The following USP15 variants were observed in gnomAD, a reference collection of about 807,000 sequenced individuals.
USP15 encodes ubiquitin specific peptidase 15, also known as ubiquitin carboxyl-terminal hydrolase 15.
A neutral mutation model predicts 127.1 loss-of-function variants in USP15; 18 were observed. That is an observed-to-expected ratio of 0.14 (90% confidence interval 0.10 to 0.21). USP15 has a LOEUF of 0.21. Ranked by LOEUF, USP15 falls within the 10% of genes least tolerant of loss-of-function variation. USP15 has a pLI of 1.00. For synonymous variants in USP15, 364 were observed against 393.7 expected, an observed-to-expected ratio of 0.92 and a Z score of 0.89; for missense variants, 805 against 1,159.9, an observed-to-expected ratio of 0.69 and a Z score of 4.44.
chr12:62,386,147 T>C (rs1312021140), intron 11 of USP15, among the ~76,000 whole-genome samples: 2 of 145,670 alleles, frequency 1.4e-5, no homozygotes, highest in Non-Finnish European at 3.0e-5. Context: ...ACAGAGAAAT[T>C]CGTTTGTTTT....
At chr12:62,275,381 G>A (rs1268324479) in intron 1 of USP15, among the ~76,000 whole-genome samples, 7 of 151,448 alleles carry the variant, frequency 4.6e-5, no homozygotes, top group Non-Finnish European at 8.8e-5. Flanking sequence ...AAAAAATTGG[G>A]AGGAGTATCA....
At chr12:62,294,475 GTTA>G (rs911381486) in intron 2 of USP15, 169 bp downstream of exon 2, 46 of 639,778 alleles carry the variant, frequency 7.2e-5, no homozygotes, top group African/African-American at 2.7e-4. Context: ...AATTTTATTA[GTTA>G]TTATTCTGTA....
At chr12:62,287,923 T>A (rs901373923) in intron 1 of USP15, among the ~76,000 whole-genome samples, 17 of 152,286 alleles carry the variant, frequency 1.1e-4, no homozygotes, top group Admixed American at 9.8e-4. Flanking sequence ...ATTTCTGGGC[T>A]CTCTATTCTG....
chr12:62,268,063 A>G (rs758012191), intron 1 of USP15, among the ~76,000 whole-genome samples: 30 of 152,100 alleles, frequency 2.0e-4, no homozygotes, highest in Non-Finnish European at 3.4e-4. Context: ...AGTTGTGGCT[A>G]TGGTTTACAA....
chr12:62,363,267 A>G (rs1021694764), intron 8 of USP15, among the ~76,000 whole-genome samples: 1 of 152,104 alleles, frequency 6.6e-6, no homozygotes, highest in African/African-American at 2.4e-5. Flanking sequence ...CAATAACACA[A>G]AATGCCTTCT....
chr12:62,262,468 A>G (rs1217086640), intron 1 of USP15, among the ~76,000 whole-genome samples: 1 of 152,200 alleles, frequency 6.6e-6, no homozygotes, highest in Non-Finnish European at 1.5e-5. Context: ...GTAAGTCTAT[A>G]AGTTAAAATA....
At chr12:62,282,654 C>A (rs2137099442) in intron 1 of USP15, among the ~76,000 whole-genome samples, 1 of 152,310 alleles carries the variant, frequency 6.6e-6, no homozygotes, top group African/African-American at 2.4e-5. Context: ...AAACTGCCTT[C>A]AAGCCCTCTT....
At position 62,351,836 on chromosome 12, in the gene USP15, A is replaced by G. The variant is rs898138005; in HGVS notation, c.770+2529A>G. Among the ~76,000 whole-genome samples the G allele has an allele frequency of 3.3e-5, 5 of 151,974 alleles. 1 individual carries two copies. Among genetic ancestry groups the G allele is most frequent in the Admixed American group, 3.3e-4 (5 of 15,256 alleles). ...CTTAAAAATACATTTTTATGTAAGGATTATCTTTCTTAGTAAGGAACAGAA... is the reference window on the plus strand; with the variant it reads ...CTTAAAAATACATTTTTATGTAAGGGTTATCTTTCTTAGTAAGGAACAGAA... On this transcript the variant is annotated intron_variant, in intron 7 of 21. Transcript: ENST00000280377.
chr12:62,325,000 C>T (rs2065086884), intron 5 of USP15, among the ~76,000 whole-genome samples: 1 of 151,892 alleles, frequency 6.6e-6, no homozygotes, highest in Non-Finnish European at 1.5e-5. Context: ...TATTTCACGT[C>T]ATATTGTCTG....
At chr12:62,291,289 A>G (rs2063959862) in intron 1 of USP15, among the ~76,000 whole-genome samples, 1 of 152,028 alleles carries the variant, frequency 6.6e-6, no homozygotes, top group Non-Finnish European at 1.5e-5. Context: ...TTCTTTCTTC[A>G]AAAGACCTGT....
intron 6 of USP15, among the ~76,000 whole-genome samples, chr12:62,326,630 C>T (rs1266433596): frequency 6.6e-6 from 1 of 152,088 alleles, no homozygotes; most frequent in Admixed American, 6.5e-5. Flanking sequence ...CTATAAATAG[C>T]ATTATATCAG....
intron 2 of USP15, among the ~76,000 whole-genome samples, chr12:62,298,873 T>C (rs1174750589): frequency 2.7e-5 from 4 of 146,910 alleles, no homozygotes; most frequent in African/African-American, 1.0e-4. Context: ...AAATAATGGC[T>C]GAAACTTCCT....
intron 1 of USP15, among the ~76,000 whole-genome samples, chr12:62,280,330 G>A (rs937589820): frequency 1.3e-5 from 2 of 152,188 alleles, no homozygotes; most frequent in Non-Finnish European, 2.9e-5. Context: ...AGGCAGATAT[G>A]TGAAAGATTA....
chr12:62,282,233 T>G (rs1375087454), intron 1 of USP15, among the ~76,000 whole-genome samples: 1 of 151,970 alleles, frequency 6.6e-6, no homozygotes, highest in Non-Finnish European at 1.5e-5. Context: ...GAGACTGAGG[T>G]GGGAAGATCA....
intron 6 of USP15, among the ~76,000 whole-genome samples, chr12:62,327,500 T>C (rs554913330): frequency 8.4e-4 from 128 of 152,280 alleles, no homozygotes; most frequent in African/African-American, 3.0e-3. Flanking sequence ...TGCTATGTAC[T>C]TGCTATATCT....
intron 8 of USP15, among the ~76,000 whole-genome samples, chr12:62,374,809 G>A (rs1247724551): frequency 6.6e-6 from 1 of 152,070 alleles, no homozygotes; most frequent in African/African-American, 2.4e-5. Context: ...TAATGGAAGA[G>A]CAATAGAATT....
At chr12:62,363,946 G>A (rs927282967) in intron 8 of USP15, among the ~76,000 whole-genome samples, 1 of 152,092 alleles carries the variant, frequency 6.6e-6, no homozygotes. Context: ...GGGTGGGGAG[G>A]AGATTATGAG....
chr12:62,382,346 T>A (rs2067016307), intron 9 of USP15, among the ~76,000 whole-genome samples: 1 of 152,010 alleles, frequency 6.6e-6, no homozygotes, highest in Admixed American at 6.6e-5. Context: ...TTTAAACTTG[T>A]AGAGAGAATA....
chr12:62,352,195 A>G (rs898169134), intron 7 of USP15, among the ~76,000 whole-genome samples: 3 of 151,882 alleles, frequency 2.0e-5, no homozygotes, highest in African/African-American at 7.2e-5. Flanking sequence ...TTTTATTTCC[A>G]GAAATAAGAA....
Sources: allele counts gnomAD v4.1 joint callset (sites outside exome capture counted in the v4.1 genomes callset), GRCh38; gene constraint gnomAD v4.1.1; transcripts MANE v1.5; gene names NCBI Gene and HGNC (gene_info 2026-07-23, HGNC 2026-07-21).